The following PEX16 variants were observed in gnomAD, a reference collection of about 807,000 sequenced individuals.
PEX16 encodes the protein peroxin 16.
In PEX16, 37 loss-of-function variants were observed where a neutral mutation model predicts 50.5. The ratio of observed to expected loss-of-function variants is 0.73; its 90% CI spans 0.56 to 0.96. PEX16 has a LOEUF of 0.96. PEX16 is among the 40% of genes least tolerant of loss of function. PEX16 has a pLI of 0.00. For missense variants in PEX16, 401 were observed against 438.3 expected (o/e 0.91, Z 0.76); for synonymous variants, 185 against 190.3 (o/e 0.97, Z 0.23).
At chr11:45,917,231 G>T in intron 2 of PEX16, 1 of 693,988 alleles carries the variant, frequency 1.4e-6, no homozygotes, top group Non-Finnish European at 2.6e-6. Flanking sequence ...TTAGTCCAGC[G>T]CCTGGCCAGT....
chr11:45,913,395 TG>T (rs2086797525), intron 9 of PEX16, among the ~76,000 whole-genome samples: 1 of 152,178 alleles, frequency 6.6e-6, no homozygotes, highest in African/African-American at 2.4e-5. Flanking sequence ...ATCCTGGGTT[TG>T]GGATCTAGCT....
chr11:45,911,462 A>G (rs2086777766), intron 9 of PEX16, among the ~76,000 whole-genome samples: 1 of 152,260 alleles, frequency 6.6e-6, no homozygotes, highest in Admixed American at 6.5e-5. Flanking sequence ...GCAAGGCCCA[A>G]GGCCCTGATT....
intron 5 of PEX16, 56 bp from the exon 6 acceptor site, chr11:45,914,740 C>T (rs974772074): frequency 2.1e-6 from 3 of 1,445,774 alleles, no homozygotes; most frequent in Non-Finnish European, 1.9e-6. Context: ...CCAGCGGAGC[C>T]TGCAAAGAAC....
Position 45,914,414 on chromosome 11 carries a change from T to C in PEX16, c.596A>G (p.Gln199Arg), listed in dbSNP as rs1292855633. The C allele has an allele frequency of 6.2e-7, 1 of 1,609,294 alleles. No individual in the cohort carries two copies. The highest frequency in any genetic ancestry group is 8.5e-7 in the Non-Finnish European group (1 of 1,179,996). ...ACTCAGCTCCTCGTGATGCTGCTGCTGCCGTCCCTCCCGCTGCTGGGGAGC... is the reference window on the plus strand; with the variant it reads ...ACTCAGCTCCTCGTGATGCTGCTGCCGCCGTCCCTCCCGCTGCTGGGGAGC... ...WGAPQQREGR[Q>R]QQHHEELSAT... Residue 199 changes from glutamine to arginine, a missense_variant, in exon 7 of 11, where the codon CAG becomes CGG. Physicochemically the swap from Gln to Arg is conservative, Grantham distance 43 (BLOSUM62 1). Transcript: ENST00000378750.
At chr11:45,912,649 G>A (rs376964223) in intron 9 of PEX16, among the ~76,000 whole-genome samples, 26 of 152,108 alleles carry the variant, frequency 1.7e-4, no homozygotes, top group Admixed American at 8.5e-4. Flanking sequence ...GACTACAGGC[G>A]TGTGCCATCA....
intron 4 of PEX16, 65 bp downstream of exon 4, chr11:45,915,638 A>G: frequency 6.2e-7 from 1 of 1,613,084 alleles, no homozygotes; most frequent in Non-Finnish European, 8.5e-7. Flanking sequence ...TGCTCTGCTG[A>G]GCACCATCTG....
intron 8 of PEX16, 87 bp downstream of exon 8, chr11:45,914,043 AG>A: frequency 1.9e-6 from 3 of 1,568,948 alleles, no homozygotes; most frequent in Non-Finnish European, 2.6e-6. Flanking sequence ...CAGGAGGAGC[AG>A]GGGCCGCTGC....
At position 45,914,596 on chromosome 11, in the gene PEX16, C is replaced by T. The variant is rs1565081217; in HGVS notation, c.541+8G>A. ...TAGGTGCCCAGGCCAGCCACATCCT[C>T]CACTTACTGTTCTGGAGGGTTCGCA... On this transcript the variant is annotated splice_region_variant and intron_variant, in intron 6 of 10. Transcript: ENST00000378750. The T allele has an allele frequency of 6.2e-7, 1 of 1,614,098 alleles. No homozygotes were observed. Among genetic ancestry groups the T allele is most frequent in the Admixed American group, 1.7e-5 (1 of 60,032 alleles).
chr11:45,913,909 A>G lies in PEX16; in HGVS notation c.797T>C (p.Leu266Pro). ...SLSLLSDRKG[L>P]TRRERRELRR... ...CAGCTCCCGCCGCTCCCTCCGGGTC[A>G]GGCCCTTTCTGTCACTCAGGAGGCT... Residue 266 changes from leucine (L) to proline (P), a missense_variant, in exon 9 of 11, where the codon CTG (leucine) becomes CCG (proline). By Grantham distance (98) the Leu-to-Pro change is moderately conservative. Coordinates refer to ENST00000378750, the MANE Select transcript of PEX16 (RefSeq NM_004813.4). 6.2e-7 allele frequency: 1 copy of G among 1,613,390 alleles called. No homozygotes were observed. Among genetic ancestry groups the G allele is most frequent in the Non-Finnish European group, 8.5e-7 (1 of 1,179,978 alleles).
chr11:45,909,712 T>G lies in PEX16; in HGVS notation c.*542A>C. ...TACTCTCAACCGAGGATGCAGGGCT[T>G]AAAGTGCCACTTGCGTGGGAGCCAG... is the stretch of plus-strand genomic sequence containing the variant. On this transcript the variant is annotated 3_prime_UTR_variant, in exon 11 of 11. Transcript: ENST00000378750. The G allele has an allele frequency of 3.1e-6, 1 of 321,898 alleles. No individual in the cohort carries two copies. Among genetic ancestry groups the G allele is most frequent in the Non-Finnish European group, 5.9e-6 (1 of 168,546 alleles). The allele number at this position is 321,898 out of a possible 1,614,324, so 19.9% of individuals were successfully genotyped here. A position where few individuals can be genotyped will look rare whatever the true frequency, so the allele number is the denominator to read the frequency against.
At chr11:45,912,633 A>G (rs1007528032) in intron 9 of PEX16, among the ~76,000 whole-genome samples, 1 of 151,860 alleles carries the variant, frequency 6.6e-6, no homozygotes, top group Admixed American at 6.6e-5. Flanking sequence ...CCTCCTGAAT[A>G]GCTGGGACTA....
At chr11:45,917,917 T>TTGCTTAACTTCCGCGGGCCAGAAGGC (rs2086857885), upstream of PEX16, 1 of 829,604 alleles carries the variant, frequency 1.2e-6, no homozygotes, top group Non-Finnish European at 2.0e-6. Context: ...CGCCTCTTGG[T>TTGCTTAACTTCCGCGGGCCAGAAGGC]TGCTTAACTT....
chr11:45,910,700 C>T (rs1389989585), intron 10 of PEX16, among the ~76,000 whole-genome samples, 198 bp downstream of exon 10: 2 of 152,216 alleles, frequency 1.3e-5, no homozygotes, highest in Non-Finnish European at 2.9e-5. Flanking sequence ...CACCAGTGGA[C>T]ACCCTCCTTC....
At chr11:45,918,704 TC>T (rs1213378992), upstream of PEX16, 1 of 152,280 alleles carries the variant, frequency 6.6e-6, no homozygotes, top group Non-Finnish European at 1.5e-5. Context: ...TTTCTGGCCC[TC>T]GGACGCACCT....
At chr11:45,914,562 G>C (rs373361792) in intron 6 of PEX16, 42 bp downstream of exon 6, 29 of 1,612,418 alleles carry the variant, frequency 1.8e-5, no homozygotes, top group Non-Finnish European at 2.3e-5. Context: ...AGCCCAGGCA[G>C]ACAGCACCTA....
rs2086825438 is a variant in PEX16 at position 45,915,578 on chromosome 11, G to A, written c.360-10C>T. ...CATCCGCAGTACAGCCCTGGGTCGG[G>A]GAGTATGTCAGGGTTGTGGGGAGGT... On this transcript the variant is annotated splice_polypyrimidine_tract_variant and intron_variant, in intron 4 of 10. Coordinates refer to ENST00000378750, the MANE Select transcript of PEX16 (RefSeq NM_004813.4). 6.2e-7 allele frequency: 1 copy of A among 1,613,836 alleles called. No homozygotes were observed. Among genetic ancestry groups the A allele is most frequent in the East Asian group, 2.2e-5 (1 of 44,866 alleles).
At chr11:45,911,609 G>A (rs568734749) in intron 9 of PEX16, among the ~76,000 whole-genome samples, 13 of 152,328 alleles carry the variant, frequency 8.5e-5, no homozygotes, top group African/African-American at 3.1e-4. Context: ...AGTGGGTACT[G>A]TCATCATCCC....
At chr11:45,914,780 G>T (rs2086816854) in intron 5 of PEX16, 96 bp from the exon 6 acceptor site, 1 of 1,005,672 alleles carries the variant, frequency 9.9e-7, no homozygotes, top group African/African-American at 1.6e-5. Flanking sequence ...GAGCTAAGGG[G>T]AGAACAGATG....
chr11:45,913,005 T>C (rs75195029), intron 9 of PEX16, among the ~76,000 whole-genome samples: 1 of 150,992 alleles, frequency 6.6e-6, no homozygotes, highest in East Asian at 1.9e-4. Context: ...ATTATTTTTT[T>C]TTTTTTTTTG....
Sources: gnomAD v4.1 joint callset for allele counts (sites outside exome capture counted in the v4.1 genomes callset) on GRCh38, gnomAD v4.1.1 for gene constraint, MANE v1.5 for transcripts, NCBI Gene and HGNC (gene_info 2026-07-23, HGNC 2026-07-21) for gene names.